Variants in FBXL7 observed in about 807,000 individuals in gnomAD.
FBXL7 encodes the protein F-box and leucine rich repeat protein 7.
Under a neutral mutation model 38.3 loss-of-function variants are expected in FBXL7, and 12 were observed. The observed-to-expected ratio is 0.31, with a 90% CI of 0.20 to 0.51. FBXL7 has a LOEUF of 0.51. Among genes scored for constraint, FBXL7 ranks in the 20% least tolerant of loss-of-function variants. The pLI is 0.98. For synonymous variants in FBXL7, 297 were observed against 300.9 expected (o/e 0.99, Z 0.13); for missense variants, 567 against 676.4 (o/e 0.84, Z 1.79).
chr5:15,738,258 G>A (rs1198687816), intron 2 of FBXL7, among the ~76,000 whole-genome samples: 1 of 152,178 alleles, frequency 6.6e-6, no homozygotes, highest in Admixed American at 6.5e-5. Context: ...GGTAATATGA[G>A]AAGTGCTTAT....
At chr5:15,657,247 G>A (rs1050514609) in intron 2 of FBXL7, among the ~76,000 whole-genome samples, 12 of 152,178 alleles carry the variant, frequency 7.9e-5, no homozygotes, top group African/African-American at 2.9e-4. Flanking sequence ...ATATATGGAA[G>A]AATAAACACA....
intron 1 of FBXL7, among the ~76,000 whole-genome samples, chr5:15,569,427 T>C (rs879780589): frequency 4.3e-4 from 65 of 151,770 alleles, no homozygotes; most frequent in Non-Finnish European, 8.2e-4. Flanking sequence ...TTGTGATTTT[T>C]GCACATTGAT....
intron 2 of FBXL7, among the ~76,000 whole-genome samples, chr5:15,710,050 T>C (rs1743814956): frequency 6.6e-6 from 1 of 152,166 alleles, no homozygotes; most frequent in Non-Finnish European, 1.5e-5. Flanking sequence ...GATCTCCTAA[T>C]TGGTGTGCCT....
chr5:15,647,047 T>C (rs889433931), intron 2 of FBXL7, among the ~76,000 whole-genome samples: 1 of 152,216 alleles, frequency 6.6e-6, no homozygotes, highest in Admixed American at 6.5e-5. Flanking sequence ...CTGGTAAGCC[T>C]AGGGACTGTG....
intron 2 of FBXL7, among the ~76,000 whole-genome samples, chr5:15,716,700 C>T (rs796463877): frequency 2.6e-4 from 39 of 152,272 alleles, no homozygotes; most frequent in African/African-American, 8.2e-4. Context: ...TATTCAGAAG[C>T]TGCATTATAA....
At chr5:15,807,941 C>T (rs368829406) in intron 2 of FBXL7, among the ~76,000 whole-genome samples, 6 of 152,176 alleles carry the variant, frequency 3.9e-5, no homozygotes, top group Admixed American at 6.5e-5. Context: ...GAAAATCATG[C>T]GGCTTTTCTG....
At chr5:15,526,152 GA>G (rs1197269597) in intron 1 of FBXL7, among the ~76,000 whole-genome samples, 8 of 152,150 alleles carry the variant, frequency 5.3e-5, no homozygotes, top group Middle Eastern at 3.2e-3. Flanking sequence ...TGTGAGGTCA[GA>G]GGGACTTTGG....
intron 2 of FBXL7, among the ~76,000 whole-genome samples, chr5:15,649,692 CT>C (rs1741643117): frequency 7.0e-6 from 1 of 141,914 alleles, no homozygotes; most frequent in Non-Finnish European, 1.5e-5. Context: ...TTAAATCTTT[CT>C]TTTCTTTTTT....
rs1742292312 is a variant in FBXL7, at chr5:15,939,753, G to A, written c.*2567G>A. On this transcript the variant is annotated 3_prime_UTR_variant, in exon 4 of 4. Transcript: ENST00000504595. Reference sequence around the variant, plus strand: ...ACTGCGTGCTGTATGAATCTAGAAAGCCTTAATTTACTACCAAGAAATAAA... The same window carrying A: ...ACTGCGTGCTGTATGAATCTAGAAAACCTTAATTTACTACCAAGAAATAAA... 6.6e-6 allele frequency: 1 copy of A among 151,942 alleles called. No homozygotes were observed. Among genetic ancestry groups the A allele is most frequent in the South Asian group, 2.1e-4 (1 of 4,818 alleles). The allele number at this position is 151,942 out of a possible 1,614,324, so 9.4% of individuals were successfully genotyped here. A position where few individuals can be genotyped will look rare whatever the true frequency, so the allele number is the denominator to read the frequency against.
intron 1 of FBXL7, among the ~76,000 whole-genome samples, chr5:15,568,642 T>C (rs1452239050): frequency 2.6e-5 from 4 of 151,900 alleles, no homozygotes; most frequent in Non-Finnish European, 2.9e-5. Flanking sequence ...GCTTTTGGTG[T>C]TTTAGACATG....
At chr5:15,885,341 A>AGT (rs1463069778) in intron 2 of FBXL7, among the ~76,000 whole-genome samples, 1 of 152,236 alleles carries the variant, frequency 6.6e-6, no homozygotes, top group East Asian at 1.9e-4. Context: ...CCAAGAAGGA[A>AGT]GTAGTCATCT....
chr5:15,533,160 C>T (rs1013496701), intron 1 of FBXL7, among the ~76,000 whole-genome samples: 1 of 152,116 alleles, frequency 6.6e-6, no homozygotes, highest in Non-Finnish European at 1.5e-5. Flanking sequence ...TGTTGGAAAT[C>T]ACTAGATTAC....
At chr5:15,619,510 G>A (rs756543995) in intron 2 of FBXL7, among the ~76,000 whole-genome samples, 1 of 152,144 alleles carries the variant, frequency 6.6e-6, no homozygotes, top group Non-Finnish European at 1.5e-5. Flanking sequence ...CTAGAACTAT[G>A]TTTAACCTTT....
intron 2 of FBXL7, among the ~76,000 whole-genome samples, chr5:15,857,933 A>G (rs974787693): frequency 3.3e-5 from 5 of 152,158 alleles, no homozygotes; most frequent in Non-Finnish European, 4.4e-5. Flanking sequence ...TCATGTCTCT[A>G]TTTTGAGGAC....
intron 2 of FBXL7, among the ~76,000 whole-genome samples, chr5:15,776,834 GATA>G (rs1431298702): frequency 2.0e-5 from 3 of 152,028 alleles, no homozygotes; most frequent in African/African-American, 4.8e-5. Flanking sequence ...CATTTATGGA[GATA>G]ATAATTATAG....
intron 2 of FBXL7, among the ~76,000 whole-genome samples, chr5:15,808,182 T>G (rs1248472125): frequency 1.3e-5 from 2 of 152,066 alleles, no homozygotes; most frequent in Non-Finnish European, 1.5e-5. Flanking sequence ...GGCAGTGATC[T>G]AACCCACTCA....
At chr5:15,526,204 G>A (rs772307538) in intron 1 of FBXL7, among the ~76,000 whole-genome samples, 3 of 152,094 alleles carry the variant, frequency 2.0e-5, no homozygotes, top group Non-Finnish European at 4.4e-5. Flanking sequence ...CCAGGGGGAC[G>A]CAATGTGTGA....
chr5:15,505,700 C>T (rs1293513131), intron 1 of FBXL7, among the ~76,000 whole-genome samples: 1 of 152,152 alleles, frequency 6.6e-6, no homozygotes, highest in East Asian at 1.9e-4. Flanking sequence ...TTAGAGCAGG[C>T]ACCATGAGCC....
chr5:15,580,675 C>T (rs2126466620), intron 1 of FBXL7: 1 of 985,444 alleles, frequency 1.0e-6, no homozygotes, highest in Non-Finnish European at 1.2e-6. Flanking sequence ...GAAAATTAAC[C>T]TCTGGGTCCG....
Sources: allele counts gnomAD v4.1 joint callset (sites outside exome capture counted in the v4.1 genomes callset), GRCh38; gene constraint gnomAD v4.1.1; transcripts MANE v1.5; gene names NCBI Gene and HGNC (gene_info 2026-07-23, HGNC 2026-07-21).